The following ASTN2 variants were observed in gnomAD, a reference collection of about 807,000 sequenced individuals.
The protein encoded by ASTN2 is astrotactin-2.
ASTN2 carries 54 observed loss-of-function variants against 139.8 expected under a neutral mutation model. That is an observed-to-expected ratio of 0.39 (90% CI 0.31 to 0.48). The LOEUF (loss-of-function observed/expected upper bound fraction) is 0.48, where lower values mean the gene tolerates loss of function less well. Ranked by LOEUF, ASTN2 falls within the 20% of genes least tolerant of loss-of-function variation. The probability of loss-of-function intolerance (pLI) is 0.95; values close to 1 mark genes in which losing one functional copy is unlikely to be tolerated. For synonymous variants in ASTN2, 756 were observed against 719.5 expected (o/e 1.05, Z -0.81); for missense variants, 1,565 against 1,725.1 (o/e 0.91, Z 1.64).
chr9:117,330,818 T>C (rs563574419), intron 1 of ASTN2, among the ~76,000 whole-genome samples: 1 of 152,318 alleles, frequency 6.6e-6, no homozygotes, highest in African/African-American at 2.4e-5. Flanking sequence ...AAATGGAAGT[T>C]AGTTTAACTT....
chr9:116,617,430 C>G (rs988943804), intron 19 of ASTN2, among the ~76,000 whole-genome samples: 3 of 152,114 alleles, frequency 2.0e-5, no homozygotes, highest in African/African-American at 7.2e-5. Context: ...GGCATCTTTC[C>G]TCTTGGAGTT....
At chr9:116,552,390 C>A (rs1449074067) in intron 19 of ASTN2, among the ~76,000 whole-genome samples, 4 of 151,988 alleles carry the variant, frequency 2.6e-5, no homozygotes, top group African/African-American at 9.7e-5. Context: ...CTATTTATTC[C>A]TAATAAAATC....
intron 6 of ASTN2, among the ~76,000 whole-genome samples, chr9:117,016,776 T>A (rs1194927805): frequency 1.1e-4 from 13 of 116,150 alleles, no homozygotes; most frequent in African/African-American, 1.7e-4. Flanking sequence ...TATATAGGTT[T>A]TATATATATA....
At chr9:116,872,368 G>A (rs1047380895) in intron 10 of ASTN2, among the ~76,000 whole-genome samples, 2 of 152,142 alleles carry the variant, frequency 1.3e-5, no homozygotes, top group African/African-American at 4.8e-5. Flanking sequence ...GGTAATAAGT[G>A]GTATCATCTG....
intron 4 of ASTN2, among the ~76,000 whole-genome samples, chr9:117,136,744 G>A (rs766959089): frequency 6.6e-5 from 10 of 152,144 alleles, no homozygotes; most frequent in South Asian, 2.1e-4. Flanking sequence ...TTTATGAGAC[G>A]CTGCAGGCCA....
chr9:116,426,038 G>C lies in ASTN2; in HGVS notation c.3833C>G (p.Ser1278Cys). ...RRLERVSSHC[S>C]SLLRSAYIQS... ...GATGTAGGCACTCCGCAGGAGGCTG[G>C]AGCAGTGGCTACTCACCCTCTCCAG... is the stretch of plus-strand genomic sequence containing the variant. The change falls in exon 23 of 23, where the codon TCC becomes TGC. Residue 1278 changes from serine (S) to cysteine (C), a missense_variant. Ser to Cys is a moderately radical substitution (Grantham distance 112, BLOSUM62 -1). Coordinates refer to ENST00000313400, the MANE Select transcript of ASTN2 (RefSeq NM_001365068.1). The C allele has an allele frequency of 6.2e-7, 1 of 1,613,960 alleles. No individual in the cohort carries two copies. Among genetic ancestry groups the C allele is most frequent in the South Asian group, 1.1e-5 (1 of 91,068 alleles).
At chr9:117,099,107 C>CAAA (rs34900374) in intron 4 of ASTN2, among the ~76,000 whole-genome samples, 41 of 116,870 alleles carry the variant, frequency 3.5e-4, no homozygotes, top group African/African-American at 1.1e-3. Flanking sequence ...ACTCCGTCTC[C>CAAA]AAAAAAAAAA....
chr9:116,883,008 C>T (rs1045516069), intron 10 of ASTN2, among the ~76,000 whole-genome samples: 2 of 152,064 alleles, frequency 1.3e-5, no homozygotes, highest in African/African-American at 2.4e-5. Context: ...TCGAAGTGTT[C>T]GTACACGTTG....
chr9:116,523,606 G>A (rs533957269), intron 19 of ASTN2, among the ~76,000 whole-genome samples: 4 of 152,210 alleles, frequency 2.6e-5, no homozygotes, highest in African/African-American at 9.6e-5. Flanking sequence ...ATAGTTTCTG[G>A]TCTAAAGTAG....
In ASTN2 at chr9:117,091,143, G is replaced by A. The variant is rs548659167; in HGVS notation, c.1276+4901C>T. On this transcript the variant is annotated intron_variant, in intron 5 of 22. Transcript: ENST00000313400. ...GCAGGAAAAAGAAGGGAAGAGGAGA[G>A]CAGGCCCTTTCCCAGCAGGCAGGCA... Among the ~76,000 whole-genome samples the A allele has an allele frequency of 4.7e-3, 722 of 152,338 alleles. 3 individuals carry two copies. The highest frequency in any genetic ancestry group is 0.017 in the African/African-American group (697 of 41,576).
intron 1 of ASTN2, among the ~76,000 whole-genome samples, chr9:117,304,178 T>C (rs190838496): frequency 6.6e-6 from 1 of 152,144 alleles, no homozygotes. Flanking sequence ...CCCATATAAA[T>C]AGGAGCAAAT....
chr9:116,462,934 A>T (rs1261590001), intron 20 of ASTN2, among the ~76,000 whole-genome samples: 1 of 151,818 alleles, frequency 6.6e-6, no homozygotes, highest in Non-Finnish European at 1.5e-5. Flanking sequence ...AAGACATCTT[A>T]ATCTCCTGCC....
At chr9:116,742,836 G>T (rs181244119) in intron 13 of ASTN2, among the ~76,000 whole-genome samples, 12 of 152,262 alleles carry the variant, frequency 7.9e-5, no homozygotes, top group Admixed American at 7.8e-4. Context: ...CTCCCATGGT[G>T]GCAGGGATGG....
At chr9:116,948,496 G>T (rs1004844225) in intron 10 of ASTN2, among the ~76,000 whole-genome samples, 2 of 152,018 alleles carry the variant, frequency 1.3e-5, no homozygotes, top group Non-Finnish European at 2.9e-5. Context: ...GATATTACTG[G>T]TATAACTTTA....
At chr9:117,021,431 A>G (rs1175611479) in intron 6 of ASTN2, among the ~76,000 whole-genome samples, 1 of 152,158 alleles carries the variant, frequency 6.6e-6, no homozygotes, top group Non-Finnish European at 1.5e-5. Context: ...ACCAAACCCC[A>G]TGGGGCATTC....
chr9:117,016,600 A>G (rs1193593195), intron 6 of ASTN2, among the ~76,000 whole-genome samples: 1 of 6,456 alleles, frequency 1.5e-4, no homozygotes, highest in Non-Finnish European at 3.6e-4. Context: ...TTTTATATAT[A>G]TATCTATATC....
At chr9:116,786,627 T>A (rs1300995507) in intron 13 of ASTN2, among the ~76,000 whole-genome samples, 1 of 152,090 alleles carries the variant, frequency 6.6e-6, no homozygotes. Context: ...GGGAAAAGGA[T>A]AGAAAAAAAA....
In ASTN2 at chr9:117,016,625, T is replaced by TTAC. The variant is rs1837696788; in HGVS notation, c.1424-8367_1424-8366insGTA. Among the ~76,000 whole-genome samples, 3 of 4,980 alleles carry TTAC rather than the reference T, an allele frequency of 6.0e-4. 1 individual carries two copies. Among genetic ancestry groups the TTAC allele is most frequent in the African/African-American group, 1.2e-3 (2 of 1,682 alleles). 3.3% of individuals were successfully genotyped at this position (4,980 alleles called of 152,430 possible). On this transcript the variant is annotated intron_variant, in intron 6 of 22. Coordinates refer to ENST00000313400, the MANE Select transcript of ASTN2 (RefSeq NM_001365068.1). ...ATATCTATATCTATATCTATCTATC[T>TTAC]ATATATATATATATATATATATATA... is the stretch of plus-strand genomic sequence containing the variant.
chr9:117,400,001 T>C (rs994667898), intron 1 of ASTN2, among the ~76,000 whole-genome samples: 3 of 152,224 alleles, frequency 2.0e-5, no homozygotes, highest in African/African-American at 7.2e-5. Context: ...CAAATATTTA[T>C]TGAGTATCTA....
Sources: gnomAD v4.1 joint callset for allele counts (sites outside exome capture counted in the v4.1 genomes callset) on GRCh38, gnomAD v4.1.1 for gene constraint, MANE v1.5 for transcripts, NCBI Gene and HGNC (gene_info 2026-07-23, HGNC 2026-07-21) for gene names.